BCL2: variants seen among roughly 807,000 people sequenced by gnomAD.
The protein encoded by BCL2 is BCL2 apoptosis regulator, also known as apoptosis regulator Bcl-2.
In BCL2, 1 loss-of-function variant was observed where a neutral mutation model predicts 14.2. The ratio of observed to expected loss-of-function variants is 0.07; its 90% CI spans 0.02 to 0.33. The LOEUF is 0.33. Ranked by LOEUF, BCL2 falls within the 10% of genes least tolerant of loss-of-function variation. The probability of loss-of-function intolerance (pLI) is 0.99; values close to 1 mark genes in which losing one functional copy is unlikely to be tolerated. For missense variants in BCL2, 247 were observed against 305.9 expected (o/e 0.81, Z 1.44); for synonymous variants, 151 against 137.2 (o/e 1.10, Z -0.70).
intron 2 of BCL2, among the ~76,000 whole-genome samples, chr18:63,289,719 C>T (rs936764380): frequency 1.3e-5 from 2 of 152,098 alleles, no homozygotes; most frequent in African/African-American, 4.8e-5. Context: ...CATGGTGAAA[C>T]CCCGCCTCTA....
chr18:63,171,968 G>A (rs1490160174), intron 2 of BCL2, among the ~76,000 whole-genome samples: 3 of 152,020 alleles, frequency 2.0e-5, no homozygotes, highest in Non-Finnish European at 4.4e-5. Context: ...GTGACAAAGC[G>A]AGACCCCATC....
At chr18:63,141,956 T>C (rs1293565333) in intron 2 of BCL2, among the ~76,000 whole-genome samples, 1 of 152,244 alleles carries the variant, frequency 6.6e-6, no homozygotes, top group Non-Finnish European at 1.5e-5. Flanking sequence ...AGTTAATTCA[T>C]GAAAATACGC....
chr18:63,207,108 T>C (rs1430446145), intron 2 of BCL2, among the ~76,000 whole-genome samples: 2 of 152,198 alleles, frequency 1.3e-5, no homozygotes, highest in African/African-American at 4.8e-5. Context: ...AGTTTTATGA[T>C]TGAAGCCGTG....
intron 2 of BCL2, among the ~76,000 whole-genome samples, chr18:63,134,958 G>T (rs1243754374): frequency 6.6e-6 from 1 of 152,194 alleles, no homozygotes; most frequent in African/African-American, 2.4e-5. Flanking sequence ...GAAGAAAAAA[G>T]GAAAGGGAGA....
intron 2 of BCL2, among the ~76,000 whole-genome samples, chr18:63,300,423 A>C (rs1912930358): frequency 6.6e-6 from 1 of 151,512 alleles, no homozygotes; most frequent in Admixed American, 6.6e-5. Context: ...AAAGAGAAAA[A>C]AACAAAAAAG....
chr18:63,245,867 G>T (rs1911137674), intron 2 of BCL2, among the ~76,000 whole-genome samples: 1 of 152,188 alleles, frequency 6.6e-6, no homozygotes, highest in Admixed American at 6.5e-5. Flanking sequence ...CTATAAGGCA[G>T]TAGCTTGCCC....
intron 2 of BCL2, among the ~76,000 whole-genome samples, chr18:63,244,057 AACAT>A (rs1259970172): frequency 8.5e-5 from 13 of 152,148 alleles, no homozygotes; most frequent in Non-Finnish European, 1.6e-4. Flanking sequence ...CAGCCTGTCC[AACAT>A]AGTGAGACCT....
At chr18:63,139,402 TATTC>T (rs1914298794) in intron 2 of BCL2, among the ~76,000 whole-genome samples, 1 of 152,246 alleles carries the variant, frequency 6.6e-6, no homozygotes, top group Non-Finnish European at 1.5e-5. Flanking sequence ...TCAGCGGGCT[TATTC>T]ATTCAGTAAC....
chr18:63,165,918 A>T (rs905405013), intron 2 of BCL2, among the ~76,000 whole-genome samples: 2 of 152,246 alleles, frequency 1.3e-5, no homozygotes, highest in African/African-American at 4.8e-5. Flanking sequence ...ATTGTCAAAA[A>T]TCACATGCCC....
In BCL2 at chr18:63,159,725, C is replaced by CA. The variant is rs138071384; in HGVS notation, c.586-30967dup. ...AATCCAATTGAGTAGGGAAATGAGC[C>CA]AAACAGAAATGGACACAAAGACACC... On this transcript the variant is annotated intron_variant, in intron 2 of 2. Coordinates refer to ENST00000333681, the MANE Select transcript of BCL2 (RefSeq NM_000633.3). 2.5e-3 allele frequency among the ~76,000 whole-genome samples: 377 copies of CA among 152,222 alleles called. 1 individual carries two copies. Among genetic ancestry groups the CA allele is most frequent in the Non-Finnish European group, 4.6e-3 (310 of 68,006 alleles).
chr18:63,148,438 C>G (rs1229588334), intron 2 of BCL2, among the ~76,000 whole-genome samples: 1 of 152,012 alleles, frequency 6.6e-6, no homozygotes, highest in Non-Finnish European at 1.5e-5. Flanking sequence ...AAAAAATTAC[C>G]AGCACCATAT....
At position 63,124,240 on chromosome 18, in the gene BCL2, G is replaced by A. The variant is rs1439504014; in HGVS notation, c.*4385C>T. ...GCTTAATTTTATAAAATTTTTTTCT[G>A]TATTGTACATAATAAACATTTAGAA... On this transcript the variant is annotated 3_prime_UTR_variant, in exon 3 of 3. Transcript: ENST00000333681. The A allele has an allele frequency of 1.8e-5, 4 of 223,894 alleles. No individual in the cohort carries two copies. The highest frequency in any genetic ancestry group is 3.6e-5 in the Non-Finnish European group (4 of 112,278). 13.9% of individuals were successfully genotyped at this position (223,894 alleles called of 1,614,324 possible).
chr18:63,288,335 G>A (rs1356818687), intron 2 of BCL2, among the ~76,000 whole-genome samples: 1 of 152,154 alleles, frequency 6.6e-6, no homozygotes, highest in Non-Finnish European at 1.5e-5. Context: ...TAACATACTT[G>A]CCACGAACAC....
rs549685156 is a variant in BCL2, at chr18:63,214,633, A to C, written c.586-85874T>G. Among the ~76,000 whole-genome samples the C allele has an allele frequency of 2.7e-5, 4 of 147,678 alleles. No homozygotes were observed. The East Asian group carries it at 7.9e-4, about 29-fold the overall frequency. Reference sequence around the variant, plus strand: ...ACTAATCAAAAACTGTCGGGTAATAAAAAAAAAAATCATGCTAAAAATAAA... The same window carrying C: ...ACTAATCAAAAACTGTCGGGTAATACAAAAAAAAATCATGCTAAAAATAAA... On this transcript the variant is annotated intron_variant, in intron 2 of 2. Coordinates refer to ENST00000333681, the MANE Select transcript of BCL2 (RefSeq NM_000633.3).
At chr18:63,283,781 G>C (rs1912385111) in intron 2 of BCL2, among the ~76,000 whole-genome samples, 1 of 152,156 alleles carries the variant, frequency 6.6e-6, no homozygotes, top group Admixed American at 6.5e-5. Context: ...TAAGTCACCA[G>C]GGCCTCTTTG....
At chr18:63,308,735 G>A (rs1366078259) in intron 2 of BCL2, among the ~76,000 whole-genome samples, 2 of 151,936 alleles carry the variant, frequency 1.3e-5, no homozygotes, top group Non-Finnish European at 2.9e-5. Flanking sequence ...TAATGAACCT[G>A]TAGGATGGGA....
At chr18:63,191,045 T>G (rs1379916999) in intron 2 of BCL2, among the ~76,000 whole-genome samples, 1 of 152,248 alleles carries the variant, frequency 6.6e-6, no homozygotes. Context: ...TTCCTTTTTA[T>G]GGCTGCATAG....
chr18:63,169,331 TC>T (rs746183327), intron 2 of BCL2, among the ~76,000 whole-genome samples: 1,432 of 65,028 alleles, frequency 0.022, 131 homozygotes, highest in South Asian at 0.059. Flanking sequence ...TTCTTTCCTT[TC>T]CTTCCTTTCT....
chr18:63,198,040 GTTTA>G (rs1909497080), intron 2 of BCL2, among the ~76,000 whole-genome samples: 2 of 152,184 alleles, frequency 1.3e-5, no homozygotes, highest in South Asian at 2.1e-4. Context: ...TAAGAAAGTA[GTTTA>G]TTTGTTTTCA....
Sources: gnomAD v4.1 joint callset for allele counts (sites outside exome capture counted in the v4.1 genomes callset) on GRCh38, gnomAD v4.1.1 for gene constraint, MANE v1.5 for transcripts, NCBI Gene and HGNC (gene_info 2026-07-23, HGNC 2026-07-21) for gene names.